The following ELAVL2 variants were observed in gnomAD, a reference collection of about 807,000 sequenced individuals.
ELAVL2 encodes ELAV like RNA binding protein 2.
A neutral mutation model predicts 34.6 loss-of-function variants in ELAVL2; 4 were observed. The ratio of observed to expected loss-of-function variants is 0.12; its 90% CI spans 0.06 to 0.26. The LOEUF is 0.26. ELAVL2 is among the 10% of genes least tolerant of loss of function. The pLI, the probability that ELAVL2 is intolerant of heterozygous loss-of-function variation, is 1.00. For missense variants in ELAVL2, 432 were observed against 442.8 expected, an observed-to-expected ratio of 0.98 and a Z score of 0.22; for synonymous variants, 193 against 154.8, an observed-to-expected ratio of 1.25 and a Z score of -1.83.
At chr9:23,850,501 C>G in the ELAVL2 span, among the ~76,000 whole-genome samples, 1 of 152,072 alleles carries the variant, frequency 6.6e-6, no homozygotes, top group African/African-American at 2.4e-5. Context: ...CTCTTTCGAG[C>G]TGCACAATAG....
At chr9:23,786,013 G>GCTAC (rs1170830472) in intron 1 of ELAVL2, among the ~76,000 whole-genome samples, 1 of 152,142 alleles carries the variant, frequency 6.6e-6, no homozygotes, top group Non-Finnish European at 1.5e-5. Flanking sequence ...CTTCACTGAT[G>GCTAC]CTACATTCTA....
intron 1 of ELAVL2, among the ~76,000 whole-genome samples, chr9:23,809,457 T>C (rs544447736): frequency 6.6e-6 from 1 of 152,260 alleles, no homozygotes; most frequent in African/African-American, 2.4e-5. Context: ...GACTCAAAAG[T>C]AATATAAAAA....
intron 1 of ELAVL2, among the ~76,000 whole-genome samples, chr9:23,766,543 A>G (rs1211123928): frequency 6.9e-6 from 1 of 144,360 alleles, no homozygotes; most frequent in East Asian, 2.1e-4. Context: ...GGTGGACACT[A>G]ATGAGCTAAT....
intron 3 of ELAVL2, among the ~76,000 whole-genome samples, chr9:23,710,748 T>A (rs2040701849): frequency 6.6e-6 from 1 of 152,066 alleles, no homozygotes; most frequent in South Asian, 2.1e-4. Context: ...AAAGATGGAG[T>A]CTTCGTGGGA....
At chr9:23,772,302 A>T (rs896884122) in intron 1 of ELAVL2, among the ~76,000 whole-genome samples, 1 of 152,118 alleles carries the variant, frequency 6.6e-6, no homozygotes, top group African/African-American at 2.4e-5. Flanking sequence ...AGACACTAAA[A>T]TACTCTGTCA....
intron 2 of ELAVL2, among the ~76,000 whole-genome samples, chr9:23,739,748 T>G (rs2048712033): frequency 6.6e-6 from 1 of 151,854 alleles, no homozygotes; most frequent in African/African-American, 2.4e-5. Flanking sequence ...GACCAGCTGG[T>G]GTCAATCTTC....
intron 3 of ELAVL2, 66 bp from the exon 4 acceptor site, chr9:23,705,137 A>C: frequency 3.2e-6 from 5 of 1,581,098 alleles, no homozygotes; most frequent in Non-Finnish European, 4.3e-6. Context: ...TTAGAAACTC[A>C]AAAACTGCCT....
chr9:23,726,844 A>G (rs947828543), intron 3 of ELAVL2, among the ~76,000 whole-genome samples: 1 of 152,094 alleles, frequency 6.6e-6, no homozygotes, highest in African/African-American at 2.4e-5. Context: ...ACCCCTAAAA[A>G]TAAAATGAGT....
At chr9:23,707,208 G>A (rs2039607066) in intron 3 of ELAVL2, among the ~76,000 whole-genome samples, 1 of 152,174 alleles carries the variant, frequency 6.6e-6, no homozygotes, top group Admixed American at 6.5e-5. Context: ...TAACTTAGAT[G>A]GAATCAAATC....
chr9:23,836,482 T>C, the ELAVL2 span, among the ~76,000 whole-genome samples: 1 of 152,202 alleles, frequency 6.6e-6, no homozygotes, highest in Non-Finnish European at 1.5e-5. Flanking sequence ...TATTTCTAGA[T>C]ATAAAATGAA....
rs142699747 is a variant in ELAVL2 at position 23,818,229 on chromosome 9, A to T, written c.-16+7577T>A. Among the ~76,000 whole-genome samples the T allele has an allele frequency of 6.1e-3, 929 of 152,316 alleles. 5 individuals carry two copies. The highest frequency in any genetic ancestry group is 0.014 in the Middle Eastern group (4 of 294). On this transcript the variant is annotated intron_variant, in intron 1 of 6. Transcript: ENST00000397312. ...GTCAGGTGTGGCATCACTAGACATA[A>T]AGCCTTCAAACAGTTCTATAATATA... is the stretch of plus-strand genomic sequence containing the variant.
At chr9:23,702,212 G>A (rs935172337) in intron 4 of ELAVL2, among the ~76,000 whole-genome samples, 1 of 152,120 alleles carries the variant, frequency 6.6e-6, no homozygotes, top group African/African-American at 2.4e-5. Flanking sequence ...AAGCTCTCTT[G>A]TGCTTCTGAC....
At chr9:23,807,456 T>A (rs931531796) in intron 1 of ELAVL2, among the ~76,000 whole-genome samples, 11 of 152,224 alleles carry the variant, frequency 7.2e-5, no homozygotes, top group South Asian at 4.1e-4. Flanking sequence ...GACATTTTTT[T>A]AAAAAGTATT....
chr9:23,790,068 G>A (rs58171802), intron 1 of ELAVL2, among the ~76,000 whole-genome samples: 19,145 of 140,884 alleles, frequency 0.14, 1,606 homozygotes, highest in East Asian at 0.28. Context: ...TAAAAAAGGG[G>A]AAAAAAAAAA....
At chr9:23,824,119 C>G (rs1313735835) in intron 1 of ELAVL2, among the ~76,000 whole-genome samples, 1 of 152,136 alleles carries the variant, frequency 6.6e-6, no homozygotes, top group East Asian at 1.9e-4. Context: ...TTCTCTCACC[C>G]TCGCCATAAT....
chr9:23,850,153 A>C, the ELAVL2 span, among the ~76,000 whole-genome samples: 2 of 151,962 alleles, frequency 1.3e-5, no homozygotes, highest in South Asian at 2.1e-4. Flanking sequence ...CAAAAGGTAA[A>C]GGGGAGAGTT....
In ELAVL2 at chr9:23,699,812, G is replaced by GTTTTTTTTTTTTT. The variant is rs199637833; in HGVS notation, c.713+1554_713+1566dup. Among the ~76,000 whole-genome samples the GTTTTTTTTTTTTT allele has an allele frequency of 2.2e-4, 18 of 82,976 alleles. 1 individual carries two copies. The highest frequency in any genetic ancestry group is 9.0e-4 in the East Asian group (2 of 2,234). 54.4% of individuals were successfully genotyped at this position (82,976 alleles called of 152,430 possible). On this transcript the variant is annotated intron_variant, in intron 5 of 6. Coordinates refer to ENST00000397312, the MANE Select transcript of ELAVL2 (RefSeq NM_004432.5). ...CCATGGGAAGTCAAAGGTGGCAAAG[G>GTTTTTTTTTTTTT]TTTTTTTTTTTTTTTTTTTTTTTTT...
chr9:23,805,362 T>C (rs1360353011), intron 1 of ELAVL2, among the ~76,000 whole-genome samples: 1 of 152,216 alleles, frequency 6.6e-6, no homozygotes, highest in East Asian at 1.9e-4. Flanking sequence ...AGATATGATT[T>C]GCTAAGCTAA....
At chr9:23,728,733 G>C (rs548077279) in intron 3 of ELAVL2, among the ~76,000 whole-genome samples, 16 of 152,138 alleles carry the variant, frequency 1.1e-4, no homozygotes, top group African/African-American at 3.6e-4. Flanking sequence ...CATTGTACAA[G>C]AGCACAAAAT....
Sources: gnomAD v4.1 joint callset for allele counts (sites outside exome capture counted in the v4.1 genomes callset) on GRCh38, gnomAD v4.1.1 for gene constraint, MANE v1.5 for transcripts, NCBI Gene and HGNC (gene_info 2026-07-23, HGNC 2026-07-21) for gene names.